The following DNAH11 variants were observed in gnomAD, a reference collection of about 807,000 sequenced individuals.
The protein encoded by DNAH11 is axonemal beta dynein heavy chain 11.
A neutral mutation model predicts 526.0 loss-of-function variants in DNAH11; 442 were observed. The observed-to-expected ratio is 0.84, with a 90% CI of 0.78 to 0.91. The LOEUF is 0.91. DNAH11 is among the 40% of genes least tolerant of loss of function. The pLI is 0.00. For missense variants in DNAH11, 6,989 were observed against 5,448.7 expected (o/e 1.28, Z -8.90); for synonymous variants, 2,461 against 1,935.9 (o/e 1.27, Z -7.12).
intron 31 of DNAH11, among the ~76,000 whole-genome samples, chr7:21,681,975 T>C (rs1397118058): frequency 6.6e-6 from 1 of 152,204 alleles, no homozygotes; most frequent in Non-Finnish European, 1.5e-5. Flanking sequence ...TCTCTCTGTG[T>C]GTGACCGTCT....
At chr7:21,762,080 T>C (rs564150986) in intron 54 of DNAH11, among the ~76,000 whole-genome samples, 125 of 152,146 alleles carry the variant, frequency 8.2e-4, no homozygotes, top group Non-Finnish European at 4.1e-4. Flanking sequence ...TCATGAGAAC[T>C]CCCTATCATG....
At chr7:21,861,742 C>G in intron 68 of DNAH11, 111 bp from the exon 69 acceptor site, 1 of 1,320,546 alleles carries the variant, frequency 7.6e-7, no homozygotes, top group Non-Finnish European at 1.0e-6. Flanking sequence ...AAAATTTTGC[C>G]TCATTCTCAC....
chr7:21,875,399 C>T (rs1295828040), intron 74 of DNAH11, among the ~76,000 whole-genome samples: 1 of 152,150 alleles, frequency 6.6e-6, no homozygotes, highest in Non-Finnish European at 1.5e-5. Context: ...AATTATCCTT[C>T]AGCTTTTTTG....
In DNAH11 at chr7:21,901,009, G is replaced by C; in HGVS notation, c.13306G>C (p.Ala4436Pro). 1.9e-6 allele frequency: 3 copies of C among 1,586,438 alleles called. No individual in the cohort carries two copies. Among genetic ancestry groups the C allele is most frequent in the Non-Finnish European group, 2.6e-6 (3 of 1,166,466 alleles). ...CAACCGCTGTGTTTTTGCCATAGGC[G>C]CCCGCTGGGACACCCAAGCAGGAAC... ...AYLHGLFMEG[A>P]RWDTQAGTIV... Residue 4436 changes from alanine (A) to proline (P), a missense_variant and splice_region_variant, in exon 82 of 82, where the codon GCC (alanine) becomes CCC (proline). Ala to Pro is a conservative substitution (Grantham distance 27). Transcript: ENST00000409508.
chr7:21,569,615 T>TAC (rs1783802512), intron 6 of DNAH11, among the ~76,000 whole-genome samples: 1 of 152,218 alleles, frequency 6.6e-6, no homozygotes, highest in Admixed American at 6.5e-5. Context: ...TTTCCACTGT[T>TAC]ACACACTCCT....
chr7:21,772,766 T>G (rs1168516681), intron 55 of DNAH11, among the ~76,000 whole-genome samples: 2 of 152,196 alleles, frequency 1.3e-5, no homozygotes, highest in African/African-American at 2.4e-5. Flanking sequence ...CTCGGGAATT[T>G]GTCGTGATGT....
chr7:21,666,154 G>T (rs896484132), intron 30 of DNAH11, among the ~76,000 whole-genome samples: 9 of 151,940 alleles, frequency 5.9e-5, no homozygotes, highest in Non-Finnish European at 1.2e-4. Flanking sequence ...AATAAACCAA[G>T]GTAATAATTT....
At chr7:21,824,031 G>T (rs564966747) in intron 65 of DNAH11, among the ~76,000 whole-genome samples, 1 of 144,924 alleles carries the variant, frequency 6.9e-6, no homozygotes, top group Admixed American at 6.8e-5. Flanking sequence ...CACACCTTCC[G>T]TTTAAGGGTA....
intron 2 of DNAH11, among the ~76,000 whole-genome samples, chr7:21,551,003 T>C (rs961474808): frequency 6.6e-6 from 1 of 152,160 alleles, no homozygotes; most frequent in African/African-American, 2.4e-5. Flanking sequence ...TCCACATACT[T>C]ATTTAGTGAG....
intron 20 of DNAH11, among the ~76,000 whole-genome samples, chr7:21,614,227 T>C (rs1385578567): frequency 6.6e-6 from 1 of 152,192 alleles, no homozygotes; most frequent in African/African-American, 2.4e-5. Flanking sequence ...TGTTGGATCT[T>C]GGGAGGAGGA....
chr7:21,563,287 C>T (rs1783539008), intron 5 of DNAH11, among the ~76,000 whole-genome samples: 1 of 151,840 alleles, frequency 6.6e-6, no homozygotes, highest in Admixed American at 6.6e-5. Flanking sequence ...TGGCTCACTG[C>T]AGCCTCGACC....
chr7:21,673,280 G>A (rs1050822457), intron 30 of DNAH11, among the ~76,000 whole-genome samples: 11 of 152,250 alleles, frequency 7.2e-5, no homozygotes, highest in Non-Finnish European at 1.0e-4. Flanking sequence ...TGGCTCCACC[G>A]TTTATAACTG....
chr7:21,728,829 A>G (rs1295989170), intron 45 of DNAH11, among the ~76,000 whole-genome samples: 1 of 152,240 alleles, frequency 6.6e-6, no homozygotes, highest in Non-Finnish European at 1.5e-5. Context: ...GTCCCAAGCA[A>G]GTCCAAAACT....
chr7:21,808,285 T>C (rs940872608), intron 63 of DNAH11, among the ~76,000 whole-genome samples: 3 of 152,200 alleles, frequency 2.0e-5, no homozygotes, highest in African/African-American at 7.2e-5. Context: ...TATATATTTT[T>C]GGGGTAATGT....
Position 21,606,521 on chromosome 7 carries a change from G to A in DNAH11, c.3744G>A (p.Arg1248=). Residue 1248 remains arginine, a synonymous_variant, in exon 19 of 82, where the codon AGG becomes AGA. Coordinates refer to ENST00000409508, the MANE Select transcript of DNAH11 (RefSeq NM_001277115.2). ...ATAATGCGGAAGTCACTCTTATAAG[G>A]AAAAAATGTATTTTGTTTGACGTAA... ...PLHNAEVTLI[R]KKCILFDAKQ... 1 of 1,608,300 alleles carries A rather than the reference G, an allele frequency of 6.2e-7. No homozygotes were observed. Among genetic ancestry groups the A allele is most frequent in the Non-Finnish European group, 8.5e-7 (1 of 1,178,556 alleles).
At chr7:21,879,297 A>C (rs566622336) in intron 74 of DNAH11, among the ~76,000 whole-genome samples, 105 of 152,148 alleles carry the variant, frequency 6.9e-4, no homozygotes, top group African/African-American at 2.5e-3. Flanking sequence ...ATTTAAAAAT[A>C]TATACAAAAA....
intron 54 of DNAH11, among the ~76,000 whole-genome samples, chr7:21,751,719 A>G (rs1583658724): frequency 6.6e-6 from 1 of 152,162 alleles, no homozygotes; most frequent in Non-Finnish European, 1.5e-5. Context: ...AGTTTCTCCA[A>G]CATTCTGCTA....
chr7:21,751,553 A>C (rs1435133545), intron 54 of DNAH11, among the ~76,000 whole-genome samples: 1 of 152,192 alleles, frequency 6.6e-6, no homozygotes, highest in East Asian at 1.9e-4. Context: ...AAACTAGGAA[A>C]GCTGCTACTT....
At position 21,818,298 on chromosome 7, in the gene DNAH11, C is replaced by G. The variant is rs766587416; in HGVS notation, c.10650C>G (p.Val3550=). 1 of 1,610,734 alleles carries G rather than the reference C, an allele frequency of 6.2e-7. No individual in the cohort carries two copies. Among genetic ancestry groups the G allele is most frequent in the Non-Finnish European group, 8.5e-7 (1 of 1,178,464 alleles). Residue 3550 remains valine, a synonymous_variant, in exon 65 of 82, where the codon GTC becomes GTG. Transcript: ENST00000409508. The part of the protein sequence containing the change: ...IENLEETIDP[V]LDPLLGRNTI... ...ATCTCGAGGAAACGATAGATCCAGT[C>G]CTGGATCCACTACTTGGCAGGAACA...
Sources: gnomAD v4.1 joint callset for allele counts (sites outside exome capture counted in the v4.1 genomes callset) on GRCh38, gnomAD v4.1.1 for gene constraint, MANE v1.5 for transcripts, NCBI Gene and HGNC (gene_info 2026-07-23, HGNC 2026-07-21) for gene names.